Variants in SEL1L3 observed in about 807,000 individuals in gnomAD.
The protein encoded by SEL1L3 is SEL1L family member 3, also known as protein sel-1 homolog 3.
A neutral mutation model predicts 142.8 loss-of-function variants in SEL1L3; 76 were observed. The ratio of observed to expected loss-of-function variants is 0.53; its 90% CI spans 0.44 to 0.64. SEL1L3 has a LOEUF of 0.64. Ranked by LOEUF, SEL1L3 falls within the 30% of genes least tolerant of loss-of-function variation. SEL1L3 has a pLI of 0.00. For synonymous variants in SEL1L3, 504 were observed against 519.6 expected (o/e 0.97, Z 0.41); for missense variants, 1,262 against 1,381.7 (o/e 0.91, Z 1.37).
chr4:25,785,697 T>C (rs1711768057), intron 13 of SEL1L3, among the ~76,000 whole-genome samples: 1 of 152,140 alleles, frequency 6.6e-6, no homozygotes, highest in African/African-American at 2.4e-5. Context: ...GAAAAGGACA[T>C]AGAAGGACAC....
At chr4:25,833,673 G>T in intron 3 of SEL1L3, 104 bp from the exon 4 acceptor site, 1 of 1,055,304 alleles carries the variant, frequency 9.5e-7, no homozygotes. Flanking sequence ...CCAATGAATG[G>T]ATGAATTTGC....
chr4:25,777,586 C>G (rs909599016), intron 16 of SEL1L3: 3 of 320,994 alleles, frequency 9.3e-6, no homozygotes, highest in African/African-American at 6.6e-5. Context: ...TGACCATATA[C>G]CAATCATAAA....
At chr4:25,721,074 A>G in the SEL1L3 span, 1 of 152,172 alleles carries the variant, frequency 6.6e-6, no homozygotes, top group Non-Finnish European at 1.5e-5. Context: ...ATTAATCAGT[A>G]TTAGTATAAT....
chr4:25,786,002 C>A (rs778705010), intron 13 of SEL1L3, among the ~76,000 whole-genome samples: 2 of 152,076 alleles, frequency 1.3e-5, no homozygotes, highest in Non-Finnish European at 2.9e-5. Context: ...GTACTCTACA[C>A]GAATCTGAGT....
chr4:25,767,460 G>T, intron 19 of SEL1L3, 65 bp downstream of exon 19: 2 of 818,628 alleles, frequency 2.4e-6, no homozygotes, highest in South Asian at 1.5e-5. Context: ...GCTGTCAGAT[G>T]TTCCCTGTTA....
intron 9 of SEL1L3, among the ~76,000 whole-genome samples, chr4:25,807,542 CT>C (rs1041538859): frequency 1.3e-5 from 2 of 152,062 alleles, no homozygotes; most frequent in Non-Finnish European, 2.9e-5. Context: ...TTGGATGCCC[CT>C]CTGCACATTC....
chr4:25,845,018 G>A (rs1577688520), intron 2 of SEL1L3, among the ~76,000 whole-genome samples: 1 of 127,462 alleles, frequency 7.8e-6, no homozygotes, highest in East Asian at 2.4e-4. Flanking sequence ...TAAAATGTAG[G>A]TTAAAATTGT....
Position 25,755,343 on chromosome 4 carries a change from TCCTC to T in SEL1L3, c.3259+2187_3259+2190del, listed in dbSNP as rs576694423. Among the ~76,000 whole-genome samples, 28 of 152,132 alleles carry T rather than the reference TCCTC, an allele frequency of 1.8e-4. No homozygotes were observed. In the South Asian group the frequency reaches 4.8e-3, roughly 26 times the overall value. ...GTCTCAAACCCCTGAGCTCAAGTGA[TCCTC>T]CCTCCTGGGCCTGTCAAAATGTTGG... On this transcript the variant is annotated intron_variant, in intron 23 of 23. Coordinates refer to ENST00000399878, the MANE Select transcript of SEL1L3 (RefSeq NM_015187.5).
Position 25,804,645 on chromosome 4 carries a change from C to T in SEL1L3, c.1672G>A (p.Val558Ile), listed in dbSNP as rs774043880. 40 of 1,613,506 alleles carry T rather than the reference C, an allele frequency of 2.5e-5. No homozygotes were observed. Among genetic ancestry groups the T allele is most frequent in the Middle Eastern group, 1.6e-4 (1 of 6,080 alleles). The change falls in exon 10 of 24, where the codon GTC (valine) becomes ATC (isoleucine). Residue 558 changes from valine (V) to isoleucine (I), a missense_variant. By Grantham distance (29) the Val-to-Ile change is conservative. Transcript: ENST00000399878. ...CAGCTGGAATCCGTCAGAAAGGGGACGATAGAGCTAATTTGGTGAAGACCA... is the reference window on the plus strand; with the variant it reads ...CAGCTGGAATCCGTCAGAAAGGGGATGATAGAGCTAATTTGGTGAAGACCA... ...IDGLHQISSIVPFLTDSSCCG... is the reference protein window; with the variant it reads ...IDGLHQISSIIPFLTDSSCCG...
chr4:25,770,804 A>G (rs1719121550), intron 17 of SEL1L3, among the ~76,000 whole-genome samples: 1 of 152,020 alleles, frequency 6.6e-6, no homozygotes, highest in Non-Finnish European at 1.5e-5. Flanking sequence ...ATCCACCTCT[A>G]TTTTTCATCT....
At chr4:25,798,445 A>G (rs6843604) in intron 11 of SEL1L3, among the ~76,000 whole-genome samples, 1,772 of 152,264 alleles carry the variant, frequency 0.012, 29 homozygotes, top group African/African-American at 0.039. Context: ...TTCCGTGCAG[A>G]GATGTTCTGT....
In SEL1L3 at chr4:25,757,884, C is replaced by T. The variant is rs1028196416; in HGVS notation, c.3084-94G>A. The T allele has an allele frequency of 1.3e-5, 11 of 850,182 alleles. No individual in the cohort carries two copies. In the African/African-American group the frequency reaches 1.9e-4, roughly 14 times the overall value. 52.7% of individuals were successfully genotyped at this position (850,182 alleles called of 1,614,324 possible). A position where few individuals can be genotyped will look rare whatever the true frequency, so the allele number is the denominator to read the frequency against. On this transcript the variant is annotated intron_variant, in intron 21 of 23. Coordinates refer to ENST00000399878, the MANE Select transcript of SEL1L3 (RefSeq NM_015187.5). ...TTCAGATCCACAAACCTACATTCTTCTGCTTTTGGACAAATGAGCACACTC... is the reference window on the plus strand; with the variant it reads ...TTCAGATCCACAAACCTACATTCTTTTGCTTTTGGACAAATGAGCACACTC...
chr4:25,827,567 C>T lies in SEL1L3; in HGVS notation c.1157+2531G>A, dbSNP rs187930515. Among the ~76,000 whole-genome samples the T allele has an allele frequency of 3.7e-4, 57 of 152,262 alleles. No homozygotes were observed. The East Asian group carries it at 9.8e-3, about 26-fold the overall frequency. On this transcript the variant is annotated intron_variant, in intron 6 of 23. Coordinates refer to ENST00000399878, the MANE Select transcript of SEL1L3 (RefSeq NM_015187.5). ...AGATAATACATTTTTGTGTTTAAGC[C>T]ACTTCATTTTGGCACTTGGTTCTGG...
chr4:25,844,112 C>G (rs180792000), intron 2 of SEL1L3, among the ~76,000 whole-genome samples: 2 of 152,232 alleles, frequency 1.3e-5, no homozygotes, highest in Non-Finnish European at 2.9e-5. Flanking sequence ...AGGGACCATA[C>G]ATGACAGGCC....
intron 9 of SEL1L3, among the ~76,000 whole-genome samples, chr4:25,814,290 T>A (rs546632623): frequency 6.8e-4 from 104 of 152,330 alleles, no homozygotes; most frequent in Non-Finnish European, 1.3e-3. Context: ...CCATTTTGAT[T>A]CTATCCTGGC....
At chr4:25,863,388 C>T (rs1043224944), upstream of SEL1L3, 12 of 691,926 alleles carry the variant, frequency 1.7e-5, no homozygotes, top group East Asian at 8.3e-5. Flanking sequence ...CTCTTTCTCC[C>T]TTCCCATCCT....
Position 25,847,551 on chromosome 4 carries a change from T to A in SEL1L3, c.476A>T (p.Asp159Val), listed in dbSNP as rs1397052836. 1.9e-6 allele frequency: 3 copies of A among 1,613,912 alleles called. No individual in the cohort carries two copies. In the Admixed American group the frequency reaches 5.0e-5, roughly 27 times the overall value. Residue 159 changes from aspartate (D) to valine (V), a missense_variant, in exon 2 of 24, where the codon GAT becomes GTT. Asp to Val is a radical substitution (Grantham distance 152). Transcript: ENST00000399878. ...KFPSIMVYRD[D>V]YFIRHSISVS... ...AGAGATGGAATGTCTGATGAAATAA[T>A]CATCTCTGTAAACCATAATGCTTGG...
intron 2 of SEL1L3, among the ~76,000 whole-genome samples, chr4:25,836,584 G>A (rs917780301): frequency 7.2e-5 from 11 of 152,130 alleles, no homozygotes; most frequent in Non-Finnish European, 1.5e-4. Context: ...GCTGGGAGGC[G>A]GAGGTTGCTG....
At chr4:25,858,552 T>C (rs1276595739) in intron 1 of SEL1L3, among the ~76,000 whole-genome samples, 2 of 151,846 alleles carry the variant, frequency 1.3e-5, no homozygotes, top group Non-Finnish European at 2.9e-5. Context: ...GTTGTTGTTG[T>C]TTTGTTTTTG....
Sources: allele counts gnomAD v4.1 joint callset (sites outside exome capture counted in the v4.1 genomes callset), GRCh38; gene constraint gnomAD v4.1.1; transcripts MANE v1.5; gene names NCBI Gene and HGNC (gene_info 2026-07-23, HGNC 2026-07-21).